DTNBP1: variants seen among roughly 807,000 people sequenced by gnomAD.
DTNBP1 encodes the protein dystrobrevin binding protein 1.
Under a neutral mutation model 42.8 loss-of-function variants are expected in DTNBP1, and 35 were observed. The ratio of observed to expected loss-of-function variants is 0.82; its 90% CI spans 0.63 to 1.09. The LOEUF is 1.09. DTNBP1 is among the 50% of genes least tolerant of loss of function. The probability of loss-of-function intolerance (pLI) is 0.00; values close to 1 mark genes in which losing one functional copy is unlikely to be tolerated. For missense variants in DTNBP1, 457 were observed against 424.2 expected (o/e 1.08, Z -0.68); for synonymous variants, 171 against 162.2 (o/e 1.05, Z -0.41).
chr6:15,548,091 T>G (rs1773987233), intron 7 of DTNBP1, among the ~76,000 whole-genome samples: 1 of 152,170 alleles, frequency 6.6e-6, no homozygotes, highest in South Asian at 2.1e-4. Flanking sequence ...TCCAACAGTA[T>G]AACAAAGCTA....
intron 8 of DTNBP1, among the ~76,000 whole-genome samples, chr6:15,532,753 G>A (rs1392633848): frequency 3.1e-5 from 4 of 130,264 alleles, no homozygotes; most frequent in Non-Finnish European, 6.2e-5. Context: ...AGGCCGGAGT[G>A]CAGTGGTGCG....
At chr6:15,528,247 T>G (rs1772553555) in intron 8 of DTNBP1, among the ~76,000 whole-genome samples, 1 of 152,214 alleles carries the variant, frequency 6.6e-6, no homozygotes, top group African/African-American at 2.4e-5. Context: ...CAAGCTTCAC[T>G]AGAAAACATT....
intron 7 of DTNBP1, among the ~76,000 whole-genome samples, chr6:15,559,551 A>G (rs922564958): frequency 2.0e-5 from 3 of 152,184 alleles, no homozygotes; most frequent in Non-Finnish European, 4.4e-5. Flanking sequence ...GTGCACCAAA[A>G]AAGAGCTCAC....
At position 15,593,100 on chromosome 6, in the gene DTNBP1, A is replaced by T; in HGVS notation, c.489-19T>A. 1 of 1,567,464 alleles carries T rather than the reference A, an allele frequency of 6.4e-7. No homozygotes were observed. The highest frequency in any genetic ancestry group is 8.6e-7 in the Non-Finnish European group (1 of 1,156,206). On this transcript the variant is annotated intron_variant, in intron 6 of 9. Coordinates refer to ENST00000344537, the MANE Select transcript of DTNBP1 (RefSeq NM_032122.5). Reference sequence around the variant, plus strand: ...TTCCTTCCTGTAGGAAAAAAAAAAAAAAGACAAGACAATGCAAATTAAAAA... The same window carrying T: ...TTCCTTCCTGTAGGAAAAAAAAAAATAAGACAAGACAATGCAAATTAAAAA...
At chr6:15,646,349 AC>A (rs1760681202) in intron 3 of DTNBP1, among the ~76,000 whole-genome samples, 6 of 151,902 alleles carry the variant, frequency 3.9e-5, no homozygotes. Context: ...GAACTGTAAA[AC>A]ACTGATGAAA....
At chr6:15,529,309 T>C (rs996541078) in intron 8 of DTNBP1, among the ~76,000 whole-genome samples, 12 of 152,168 alleles carry the variant, frequency 7.9e-5, no homozygotes, top group Non-Finnish European at 1.3e-4. Flanking sequence ...CATGCCGGCA[T>C]TGTTTTTATT....
chr6:15,651,467 T>A, intron 2 of DTNBP1, 104 bp from the exon 3 acceptor site: 1 of 1,431,920 alleles, frequency 7.0e-7, no homozygotes, highest in Non-Finnish European at 9.7e-7. Flanking sequence ...TAATATATTT[T>A]AAAATCACTA....
chr6:15,535,479 G>A (rs751673895), intron 7 of DTNBP1, among the ~76,000 whole-genome samples: 3 of 152,032 alleles, frequency 2.0e-5, no homozygotes, highest in Non-Finnish European at 2.9e-5. Flanking sequence ...ACTATGCCCA[G>A]CTAATTTTTT....
At chr6:15,556,016 G>C (rs1383191968) in intron 7 of DTNBP1, among the ~76,000 whole-genome samples, 1 of 152,108 alleles carries the variant, frequency 6.6e-6, no homozygotes. Flanking sequence ...TGCGTAAGTA[G>C]TATTTTGTCC....
intron 8 of DTNBP1, among the ~76,000 whole-genome samples, chr6:15,525,114 T>C (rs1772284137): frequency 6.6e-6 from 1 of 152,216 alleles, no homozygotes; most frequent in Non-Finnish European, 1.5e-5. Flanking sequence ...TCCACTGGCC[T>C]TGGAACATTT....
chr6:15,605,328 A>G (rs2113668210), intron 6 of DTNBP1, among the ~76,000 whole-genome samples: 1 of 152,286 alleles, frequency 6.6e-6, no homozygotes, highest in Non-Finnish European at 1.5e-5. Flanking sequence ...TCTATCTCTA[A>G]ACGTACCTAC....
chr6:15,578,792 T>G (rs1483223093), intron 7 of DTNBP1, among the ~76,000 whole-genome samples: 1 of 152,032 alleles, frequency 6.6e-6, no homozygotes, highest in Non-Finnish European at 1.5e-5. Context: ...AAAAGGTATG[T>G]GAAAAAAATG....
chr6:15,582,182 A>T (rs569608427), intron 7 of DTNBP1, among the ~76,000 whole-genome samples: 1 of 152,192 alleles, frequency 6.6e-6, no homozygotes, highest in Non-Finnish European at 1.5e-5. Flanking sequence ...ATACCTAAAG[A>T]ACACTGAACA....
intron 7 of DTNBP1, among the ~76,000 whole-genome samples, chr6:15,540,408 T>C (rs928059873): frequency 6.6e-6 from 1 of 152,186 alleles, no homozygotes; most frequent in African/African-American, 2.4e-5. Flanking sequence ...AATGCAGAAA[T>C]CATCAAAGGG....
At chr6:15,647,270 A>C (rs577109345) in intron 3 of DTNBP1, among the ~76,000 whole-genome samples, 1 of 152,152 alleles carries the variant, frequency 6.6e-6, no homozygotes, top group Admixed American at 6.5e-5. Context: ...TAATCATCAG[A>C]GCAATGCAAA....
At chr6:15,554,789 T>C (rs1204075559) in intron 7 of DTNBP1, among the ~76,000 whole-genome samples, 3 of 152,148 alleles carry the variant, frequency 2.0e-5, no homozygotes, top group South Asian at 2.1e-4. Flanking sequence ...CAAGGGTGGA[T>C]TGCTGCCCTC....
At chr6:15,588,954 C>T (rs775064312) in intron 7 of DTNBP1, among the ~76,000 whole-genome samples, 10 of 152,124 alleles carry the variant, frequency 6.6e-5, no homozygotes, top group Non-Finnish European at 1.0e-4. Context: ...TATATATTTG[C>T]CTTTCTAATC....
At position 15,659,700 on chromosome 6, in the gene DTNBP1, A is replaced by C. The variant is rs961645897; in HGVS notation, c.56+3114T>G. On this transcript the variant is annotated intron_variant, in intron 1 of 9. Transcript: ENST00000344537. ...TCCAAGTAGCTGGAATTACAGACGCACGCCACCATGGCCAGCTAATTTTTG... is the reference window on the plus strand; with the variant it reads ...TCCAAGTAGCTGGAATTACAGACGCCCGCCACCATGGCCAGCTAATTTTTG... Among the ~76,000 whole-genome samples the C allele has an allele frequency of 4.9e-4, 75 of 151,774 alleles. 1 individual carries two copies. Among genetic ancestry groups the C allele is most frequent in the African/African-American group, 1.8e-3 (73 of 41,414 alleles).
At chr6:15,608,319 C>A (rs553874848) in intron 6 of DTNBP1, among the ~76,000 whole-genome samples, 9 of 152,058 alleles carry the variant, frequency 5.9e-5, no homozygotes, top group Non-Finnish European at 1.3e-4. Flanking sequence ...AAACCCTCCA[C>A]CAGAGTTTAA....
Sources: gnomAD v4.1 joint callset for allele counts (sites outside exome capture counted in the v4.1 genomes callset) on GRCh38, gnomAD v4.1.1 for gene constraint, MANE v1.5 for transcripts, NCBI Gene and HGNC (gene_info 2026-07-23, HGNC 2026-07-21) for gene names.